HPR: variants seen among roughly 807,000 people sequenced by gnomAD.
HPR encodes haptoglobin-related protein.
A neutral mutation model predicts 18.5 loss-of-function variants in HPR; 17 were observed. The observed-to-expected ratio is 0.92, with a 90% CI of 0.63 to 1.38. The LOEUF (loss-of-function observed/expected upper bound fraction) is 1.38. Among genes scored for constraint, HPR ranks in the 40% most tolerant of loss-of-function variants. The pLI is 0.00. For synonymous variants in HPR, 176 were observed against 165.0 expected (o/e 1.07, Z -0.51); for missense variants, 457 against 432.4 (o/e 1.06, Z -0.51).
At chr16:72,069,504 G>C (rs1282102866) in intron 1 of HPR, among the ~76,000 whole-genome samples, 2 of 152,028 alleles carry the variant, frequency 1.3e-5, no homozygotes, top group African/African-American at 2.4e-5. Context: ...ATAAAGATAG[G>C]AGCCAAAGGA....
intron 1 of HPR, among the ~76,000 whole-genome samples, chr16:72,070,464 G>C (rs1432912331): frequency 6.6e-6 from 1 of 152,136 alleles, no homozygotes; most frequent in African/African-American, 2.4e-5. Flanking sequence ...ACCCTACTTG[G>C]TGCTCCTAAA....
chr16:72,072,014 A>AT (rs577342872), intron 1 of HPR, among the ~76,000 whole-genome samples: 9,060 of 146,370 alleles, frequency 0.062, 417 homozygotes, highest in African/African-American at 0.13. Context: ...ACCAATGATG[A>AT]TTTTTTTTTT....
chr16:72,063,831 C>G (rs1266899193), intron 1 of HPR, among the ~76,000 whole-genome samples: 3 of 152,146 alleles, frequency 2.0e-5, no homozygotes, highest in African/African-American at 7.2e-5. Flanking sequence ...CAACCTCCCC[C>G]TCCCCGGTTC....
chr16:72,074,513 T>G, intron 3 of HPR, 128 bp downstream of exon 3: 1 of 877,308 alleles, frequency 1.1e-6, no homozygotes, highest in South Asian at 1.4e-5. Flanking sequence ...ATTTAGATTC[T>G]GATAAGCGTT....
chr16:72,071,805 G>A (rs2041658646), intron 1 of HPR, among the ~76,000 whole-genome samples: 2 of 152,142 alleles, frequency 1.3e-5, no homozygotes, highest in Non-Finnish European at 2.9e-5. Flanking sequence ...AGAAAAGACA[G>A]AAACCAAACA....
At chr16:72,065,972 TC>T (rs542251496) in intron 1 of HPR, among the ~76,000 whole-genome samples, 13 of 152,124 alleles carry the variant, frequency 8.5e-5, no homozygotes, top group Non-Finnish European at 1.6e-4. Context: ...CTCATGATGT[TC>T]CTCCCGCTTA....
chr16:72,073,871 C>T lies in HPR; in HGVS notation c.6-21C>T, dbSNP rs2041685336. The T allele has an allele frequency of 3.1e-6, 5 of 1,613,546 alleles. No homozygotes were observed. The African/African-American group carries it at 4.0e-5, about 13-fold the overall frequency. ...AAGCAGGGAGACCAGCTTTCCGCTC[C>T]TTCTTGTTTTCTCTCTGCAGTGACC... On this transcript the variant is annotated intron_variant, in intron 1 of 4. Coordinates refer to ENST00000540303, the MANE Select transcript of HPR (RefSeq NM_020995.4).
chr16:72,064,189 T>C (rs2144058271), intron 1 of HPR, among the ~76,000 whole-genome samples: 1 of 152,316 alleles, frequency 6.6e-6, no homozygotes, highest in East Asian at 1.9e-4. Flanking sequence ...CCTTCTGGCA[T>C]TTTGGGGTTT....
chr16:72,076,947 G>A lies in HPR; in HGVS notation c.913G>A (p.Asp305Asn), dbSNP rs1435453716. 24 of 1,614,100 alleles carry A rather than the reference G, an allele frequency of 1.5e-5. No individual in the cohort carries two copies. Among genetic ancestry groups the A allele is most frequent in the Admixed American group, 3.3e-5 (2 of 60,010 alleles). ...TGCGGGCAGTGCCTTTGCCGTTCAC[G>A]ACCTGGAGGAGGACACCTGGTACGC... ...GDAGSAFAVHDLEEDTWYAAG... is the reference protein window; with the variant it reads ...GDAGSAFAVHNLEEDTWYAAG... Residue 305 changes from aspartate (D) to asparagine (N), a missense_variant, in exon 5 of 5, where the codon GAC becomes AAC. Asp to Asn is a conservative substitution (Grantham distance 23). Transcript: ENST00000540303.
In HPR at chr16:72,074,365, G is replaced by C. The variant is rs152833; in HGVS notation, c.173G>C (p.Arg58Thr). 963 of 1,613,340 alleles carry C rather than the reference G, an allele frequency of 6.0e-4. 4 individuals carry two copies. The highest frequency in any genetic ancestry group is 3.8e-3 in the Middle Eastern group (23 of 6,060). The change falls in exon 3 of 5, where the codon AGA becomes ACA. Residue 58 changes from arginine (R) to threonine (T), a missense_variant. Physicochemically the swap from Arg to Thr is moderately conservative, Grantham distance 71 (BLOSUM62 -1). Transcript: ENST00000540303. ...CGCTACCAGTGTAAGAACTACTACAGACTGCGCACAGAAGGAGATGGTAAG... is the reference window on the plus strand; with the variant it reads ...CGCTACCAGTGTAAGAACTACTACACACTGCGCACAGAAGGAGATGGTAAG... ...LFRYQCKNYY[R>T]LRTEGDGVYT... is the part of the protein sequence containing the mutation.
At chr16:72,066,195 C>T (rs1443530018) in intron 1 of HPR, among the ~76,000 whole-genome samples, 1 of 152,164 alleles carries the variant, frequency 6.6e-6, no homozygotes, top group East Asian at 1.9e-4. Context: ...TGTAAATGCT[C>T]TCTTGACTAT....
chr16:72,072,066 T>C (rs217184), intron 1 of HPR, among the ~76,000 whole-genome samples: 29,024 of 150,694 alleles, frequency 0.19, 3,135 homozygotes, highest in Admixed American at 0.28. Flanking sequence ...TGGAATGCAA[T>C]GGCATGATCT....
At chr16:72,063,886 G>C (rs1391055892) in intron 1 of HPR, among the ~76,000 whole-genome samples, 1 of 152,082 alleles carries the variant, frequency 6.6e-6, no homozygotes, top group Non-Finnish European at 1.5e-5. Context: ...AGGACTACAG[G>C]CGTGTGCCAC....
At chr16:72,065,163 G>T (rs1338775463) in intron 1 of HPR, among the ~76,000 whole-genome samples, 1 of 152,152 alleles carries the variant, frequency 6.6e-6, no homozygotes, top group Admixed American at 6.5e-5. Flanking sequence ...GGATCCTGAT[G>T]TTGGGGTTTA....
At chr16:72,074,840 T>C (rs1237742206) in intron 3 of HPR, 6 of 646,632 alleles carry the variant, frequency 9.3e-6, no homozygotes, top group Non-Finnish European at 1.7e-5. Flanking sequence ...GTTGAGTATC[T>C]TGCCCAAATT....
intron 3 of HPR, 199 bp downstream of exon 3, chr16:72,074,584 T>C (rs536146402): frequency 1.4e-6 from 1 of 722,482 alleles, no homozygotes; most frequent in Non-Finnish European, 2.6e-6. Context: ...AGGTTTTCTG[T>C]TTTGTTAAGG....
Position 72,074,134 on chromosome 16 carries a change from C to T in HPR, c.92-150C>T, listed in dbSNP as rs370146059. ...ACTGCCAAGAACATTGGGGATCCTG[C>T]CAGAAATGAGGGGAGCTTGAGCTTT... On this transcript the variant is annotated intron_variant, in intron 2 of 4. Transcript: ENST00000540303. The T allele has an allele frequency of 5.8e-5, 72 of 1,245,058 alleles. 2 individuals carry two copies. Among genetic ancestry groups the T allele is most frequent in the Admixed American group, 3.1e-4 (16 of 52,456 alleles). The allele number at this position is 1,245,058 out of a possible 1,614,324, so 77.1% of individuals were successfully genotyped here. A position where few individuals can be genotyped will look rare whatever the true frequency, so the allele number is the denominator to read the frequency against.
At chr16:72,070,674 G>C (rs1389026618) in intron 1 of HPR, among the ~76,000 whole-genome samples, 3 of 152,080 alleles carry the variant, frequency 2.0e-5, no homozygotes, top group Non-Finnish European at 2.9e-5. Flanking sequence ...AATGTAACTT[G>C]GGCTAACCAT....
At chr16:72,072,691 T>C (rs956775181) in intron 1 of HPR, among the ~76,000 whole-genome samples, 5 of 152,132 alleles carry the variant, frequency 3.3e-5, no homozygotes, top group Non-Finnish European at 2.9e-5. Flanking sequence ...CCCTGTGCCC[T>C]AGGATTAATA....
Sources: gnomAD v4.1 joint callset for allele counts (sites outside exome capture counted in the v4.1 genomes callset) on GRCh38, gnomAD v4.1.1 for gene constraint, MANE v1.5 for transcripts, NCBI Gene and HGNC (gene_info 2026-07-23, HGNC 2026-07-21) for gene names.